DIAPH2: variants seen among roughly 807,000 people sequenced by gnomAD.
The protein encoded by DIAPH2 is diaphanous related formin 2.
Under a neutral mutation model 92.7 loss-of-function variants are expected in DIAPH2, and 35 were observed. The ratio of observed to expected loss-of-function variants is 0.38; its 90% CI spans 0.29 to 0.50. DIAPH2 has a LOEUF of 0.50. Ranked by LOEUF, DIAPH2 falls within the 20% of genes least tolerant of loss-of-function variation. The pLI is 0.94. For synonymous variants in DIAPH2, 301 were observed against 280.4 expected, an observed-to-expected ratio of 1.07 and a Z score of -0.73; for missense variants, 701 against 819.5, an observed-to-expected ratio of 0.86 and a Z score of 1.77.
intron 26 of DIAPH2, among the ~76,000 whole-genome samples, chrX:97,571,825 C>T (rs940640995): frequency 9.0e-6 from 1 of 111,557 alleles, no homozygotes; most frequent in Non-Finnish European, 1.9e-5. Flanking sequence ...CATTTTTACA[C>T]CCTTCTTTAA....
intron 26 of DIAPH2, among the ~76,000 whole-genome samples, chrX:97,500,769 T>G (rs1602631051): frequency 1.0e-4 from 2 of 19,830 alleles, no homozygotes; most frequent in Admixed American, 5.2e-4. Context: ...AGGAGATATA[T>G]ATATATATAT....
intron 3 of DIAPH2, among the ~76,000 whole-genome samples, chrX:96,754,855 C>T (rs763930181): frequency 4.5e-5 from 4 of 88,347 alleles, no homozygotes; most frequent in South Asian, 6.9e-4. Context: ...ACTTGGGAAG[C>T]GGAGGTTGCA....
intron 21 of DIAPH2, among the ~76,000 whole-genome samples, chrX:97,117,542 T>C (rs1355905903): frequency 1.8e-5 from 2 of 112,148 alleles, no homozygotes; most frequent in East Asian, 5.5e-4. Context: ...TAATTTCTTT[T>C]CTCAGTGATT....
intron 23 of DIAPH2, among the ~76,000 whole-genome samples, chrX:97,305,516 AAAC>A (rs1331707771): frequency 1.9e-5 from 2 of 104,770 alleles, no homozygotes; most frequent in Admixed American, 1.0e-4. Context: ...AACAAACAAA[AAAC>A]AACAATAACA....
intron 26 of DIAPH2, among the ~76,000 whole-genome samples, chrX:97,570,106 AT>A (rs2071356870): frequency 6.3e-5 from 2 of 31,638 alleles, no homozygotes; most frequent in East Asian, 1.5e-3. Context: ...ATATATATAT[AT>A]ATATATATAT....
intron 25 of DIAPH2, among the ~76,000 whole-genome samples, chrX:97,391,375 C>T (rs1458316697): frequency 9.0e-6 from 1 of 111,603 alleles, no homozygotes; most frequent in Non-Finnish European, 1.9e-5. Flanking sequence ...ATTTATATAA[C>T]TTTAAATATG....
chrX:97,455,078 A>G (rs756003015), intron 26 of DIAPH2, among the ~76,000 whole-genome samples: 4 of 111,715 alleles, frequency 3.6e-5, no homozygotes, highest in Non-Finnish European at 7.5e-5. Context: ...AGTGTACAAT[A>G]TATCTTCAAA....
intron 17 of DIAPH2, among the ~76,000 whole-genome samples, chrX:97,007,923 C>T (rs1051402449): frequency 4.8e-5 from 5 of 104,186 alleles, no homozygotes; most frequent in South Asian, 4.6e-4. Flanking sequence ...CCACCACGCC[C>T]GGCTAATTTT....
intron 23 of DIAPH2, among the ~76,000 whole-genome samples, chrX:97,299,216 G>T (rs1395665690): frequency 9.0e-6 from 1 of 111,570 alleles, no homozygotes; most frequent in Non-Finnish European, 1.9e-5. Context: ...AAAGCACATG[G>T]TATCCTCTAA....
At chrX:97,573,427 A>G (rs183816609) in intron 26 of DIAPH2, among the ~76,000 whole-genome samples, 32 of 110,723 alleles carry the variant, frequency 2.9e-4, no homozygotes, top group African/African-American at 8.9e-4. Flanking sequence ...AAAGGGAGAG[A>G]TGTATTTTCA....
intron 5 of DIAPH2, among the ~76,000 whole-genome samples, chrX:96,885,999 T>G (rs1187235616): frequency 8.9e-6 from 1 of 111,761 alleles, no homozygotes; most frequent in Non-Finnish European, 1.9e-5. Context: ...TACAAAATCT[T>G]AACTTTCCTG....
At chrX:97,359,534 CT>C (rs2069302291) in intron 24 of DIAPH2, among the ~76,000 whole-genome samples, 1 of 105,074 alleles carries the variant, frequency 9.5e-6, no homozygotes, top group South Asian at 4.3e-4. Flanking sequence ...ATACAGTCTC[CT>C]AAACTGCTTT....
At chrX:97,269,828 C>A (rs1313660735) in intron 23 of DIAPH2, among the ~76,000 whole-genome samples, 1 of 108,476 alleles carries the variant, frequency 9.2e-6, no homozygotes, top group East Asian at 2.9e-4. Flanking sequence ...CCTTGACTCA[C>A]TGCAACCTCT....
intron 4 of DIAPH2, among the ~76,000 whole-genome samples, chrX:96,767,553 T>A (rs1011593942): frequency 8.9e-6 from 1 of 112,258 alleles, no homozygotes; most frequent in African/African-American, 3.2e-5. Flanking sequence ...TTGTTAAATG[T>A]CTTGAATTCT....
intron 4 of DIAPH2, among the ~76,000 whole-genome samples, chrX:96,783,529 A>T (rs1246831340): frequency 8.9e-6 from 1 of 112,350 alleles, no homozygotes; most frequent in East Asian, 2.8e-4. Context: ...AGCTAGTTGG[A>T]TGGAGATAAA....
chrX:97,494,212 G>A (rs189969327), intron 26 of DIAPH2, among the ~76,000 whole-genome samples: 50 of 108,012 alleles, frequency 4.6e-4, no homozygotes, highest in East Asian at 1.5e-3. Flanking sequence ...CCAGCTACTC[G>A]GGATGCTGAG....
chrX:97,414,834 G>A (rs1269003116), intron 25 of DIAPH2, among the ~76,000 whole-genome samples: 1 of 111,282 alleles, frequency 9.0e-6, no homozygotes, highest in Non-Finnish European at 1.9e-5. Flanking sequence ...AACACCAAAA[G>A]CAATGGCAAC....
At chrX:96,904,471 A>G (rs764155662) in intron 5 of DIAPH2, among the ~76,000 whole-genome samples, 7 of 112,079 alleles carry the variant, frequency 6.2e-5, no homozygotes, top group Non-Finnish European at 1.3e-4. Context: ...TTATGGATCT[A>G]AGACCAAGTC....
At chrX:97,126,220 A>G (rs1050533741) in intron 21 of DIAPH2, among the ~76,000 whole-genome samples, 1 of 111,677 alleles carries the variant, frequency 9.0e-6, no homozygotes, top group Non-Finnish European at 1.9e-5. Flanking sequence ...TTGACCCTGT[A>G]TGAGACTGTT....
Sources: allele counts gnomAD v4.1 joint callset (sites outside exome capture counted in the v4.1 genomes callset), GRCh38; gene constraint gnomAD v4.1.1; transcripts MANE v1.5; gene names NCBI Gene and HGNC (gene_info 2026-07-23, HGNC 2026-07-21).